Variants in ROBO2 observed in about 807,000 individuals in gnomAD.
The protein encoded by ROBO2 is roundabout guidance receptor 2, also known as roundabout homolog 2.
In ROBO2, 53 loss-of-function variants were observed where a neutral mutation model predicts 160.8. The ratio of observed to expected loss-of-function variants is 0.33; its 90% confidence interval spans 0.26 to 0.41. The LOEUF is 0.41. Among genes scored for constraint, ROBO2 ranks in the 10% least tolerant of loss-of-function variants. ROBO2 has a pLI of 1.00. For synonymous variants in ROBO2, 664 were observed against 611.7 expected (o/e 1.09, Z -1.26); for missense variants, 1,577 against 1,722.4 (o/e 0.92, Z 1.49).
chr3:76,667,609 C>T (rs1037538152), intron 2 of ROBO2, among the ~76,000 whole-genome samples: 8 of 146,232 alleles, frequency 5.5e-5, no homozygotes, highest in Non-Finnish European at 4.6e-5. Flanking sequence ...TTTAATTGAA[C>T]ATTAATGATT....
intron 2 of ROBO2, among the ~76,000 whole-genome samples, chr3:76,911,230 T>G (rs552174685): frequency 6.6e-6 from 1 of 152,218 alleles, no homozygotes; most frequent in Non-Finnish European, 1.5e-5. Context: ...TAAGTAGTAT[T>G]GTATTTGTTG....
chr3:76,596,867 T>C (rs2086767979), intron 2 of ROBO2, among the ~76,000 whole-genome samples: 1 of 152,150 alleles, frequency 6.6e-6, no homozygotes, highest in Non-Finnish European at 1.5e-5. Flanking sequence ...TGTTAATGGC[T>C]TGATAGACAT....
rs199746919 is a variant in ROBO2 at position 76,909,554 on chromosome 3, CA to C, written c.110-188452del. The stretch of plus-strand genomic sequence containing the variant: ...AACCTCTCCCCTCAAAAAACTGAAA[CA>C]AAAAAAATAATAATTTTTTCAAAAA... On this transcript the variant is annotated intron_variant, in intron 2 of 26. Transcript: ENST00000487694. 6.3e-3 allele frequency among the ~76,000 whole-genome samples: 949 copies of C among 151,700 alleles called. 8 individuals carry two copies. The highest frequency in any genetic ancestry group is 0.021 in the African/African-American group (872 of 41,390).
chr3:77,288,789 G>A lies in ROBO2; in HGVS notation c.389-188625G>A, dbSNP rs62249729. On this transcript the variant is annotated intron_variant, in intron 2 of 25. Coordinates refer to ENST00000461745, the Ensembl canonical transcript of ROBO2. Reference sequence around the variant, plus strand: ...GAGACGAGACCCTACTCAAGCATACGGATACAAATTGATTATACCTGGGTC... The same window carrying A: ...GAGACGAGACCCTACTCAAGCATACAGATACAAATTGATTATACCTGGGTC... Among the ~76,000 whole-genome samples the A allele has an allele frequency of 2.6e-3, 388 of 152,116 alleles. 2 individuals carry two copies. Among genetic ancestry groups the A allele is most frequent in the Middle Eastern group, 0.014 (4 of 294 alleles).
chr3:77,241,565 G>T (rs1032040126), intron 2 of ROBO2, among the ~76,000 whole-genome samples: 6 of 152,122 alleles, frequency 3.9e-5, no homozygotes, highest in Admixed American at 3.3e-4. Flanking sequence ...CATCTGATAA[G>T]AATGGTACTG....
rs192294828 is a variant in ROBO2, at chr3:76,263,500, G to A, written c.109+325898G>A. Among the ~76,000 whole-genome samples, 11 of 152,242 alleles carry A rather than the reference G, an allele frequency of 7.2e-5. 1 individual carries two copies. The highest frequency in any genetic ancestry group is 2.4e-4 in the African/African-American group (10 of 41,546). On this transcript the variant is annotated intron_variant, in intron 2 of 26. Coordinates refer to the ROBO2 transcript ENST00000487694. ...GACCTCCCAAAGTGCTGGGATTACA[G>A]GTGTGAGCCACCCTGCTTGGCCCAG...
chr3:76,322,971 CTG>C (rs1413185495), intron 2 of ROBO2, among the ~76,000 whole-genome samples: 4 of 152,150 alleles, frequency 2.6e-5, no homozygotes, highest in African/African-American at 9.7e-5. Flanking sequence ...GTTGTATACT[CTG>C]AGGCAAATTA....
intron 2 of ROBO2, among the ~76,000 whole-genome samples, chr3:76,461,013 A>C (rs1271475953): frequency 6.6e-6 from 1 of 152,230 alleles, no homozygotes; most frequent in Admixed American, 6.5e-5. Context: ...GTATTAGGCC[A>C]TTCTTGCATT....
chr3:76,792,273 A>G (rs1411224243), intron 2 of ROBO2, among the ~76,000 whole-genome samples: 2 of 151,942 alleles, frequency 1.3e-5, no homozygotes, highest in Non-Finnish European at 1.5e-5. Flanking sequence ...CAACATAGAA[A>G]TATTTGAGAA....
intron 2 of ROBO2, among the ~76,000 whole-genome samples, chr3:76,555,906 C>A (rs2083760013): frequency 6.6e-6 from 1 of 151,886 alleles, no homozygotes; most frequent in African/African-American, 2.4e-5. Context: ...CATGGTGAAA[C>A]CTCCTCTCTA....
intron 1 of ROBO2, among the ~76,000 whole-genome samples, chr3:77,074,389 T>C (rs1030216507): frequency 1.2e-4 from 18 of 152,206 alleles, no homozygotes; most frequent in Non-Finnish European, 2.5e-4. Context: ...ACAGATGATT[T>C]TTGATGTGTT....
chr3:76,478,283 C>T (rs921780953), intron 2 of ROBO2, among the ~76,000 whole-genome samples: 1 of 148,248 alleles, frequency 6.7e-6, no homozygotes, highest in African/African-American at 2.5e-5. Context: ...GCGGTGTTTG[C>T]TTTTTTGTTC....
At chr3:76,897,531 T>C (rs1442130137) in intron 2 of ROBO2, among the ~76,000 whole-genome samples, 1 of 152,088 alleles carries the variant, frequency 6.6e-6, no homozygotes, top group Non-Finnish European at 1.5e-5. Context: ...GCAGACACCG[T>C]AAACCAACCT....
chr3:76,233,699 C>T (rs1482474411), intron 2 of ROBO2, among the ~76,000 whole-genome samples: 3 of 152,156 alleles, frequency 2.0e-5, no homozygotes, highest in Non-Finnish European at 2.9e-5. Flanking sequence ...TCTTCATGCC[C>T]GGACTTATCC....
intron 2 of ROBO2, among the ~76,000 whole-genome samples, chr3:77,358,368 A>C (rs114935381): frequency 0.01 from 1,538 of 152,260 alleles, 20 homozygotes; most frequent in African/African-American, 0.035. Flanking sequence ...TGCTTAGATT[A>C]GATTGAGTGC....
chr3:77,142,005 C>T (rs76812784), intron 2 of ROBO2, among the ~76,000 whole-genome samples: 2,499 of 152,224 alleles, frequency 0.016, 27 homozygotes, highest in African/African-American at 0.027. Context: ...CACCATTTTG[C>T]GTACTTGTGC....
At position 76,643,208 on chromosome 3, in the gene ROBO2, T is replaced by C. The variant is rs567554224; in HGVS notation, c.110-454806T>C. On this transcript the variant is annotated intron_variant, in intron 2 of 26. Coordinates refer to the ROBO2 transcript ENST00000487694. ...AAATAACTTAGTAAAAAAATGTAAT[T>C]GTTGTCTTCTGTTCAATGTATGTAA... 2.1e-3 allele frequency among the ~76,000 whole-genome samples: 317 copies of C among 152,252 alleles called. 3 individuals carry two copies. The highest frequency in any genetic ancestry group is 7.1e-3 in the African/African-American group (297 of 41,554).
chr3:76,713,330 T>G (rs2107627888), intron 2 of ROBO2, among the ~76,000 whole-genome samples: 1 of 152,292 alleles, frequency 6.6e-6, no homozygotes. Flanking sequence ...GTCAAATAAT[T>G]TCTTTCTAGT....
At chr3:76,986,338 C>T (rs1013348161) in intron 2 of ROBO2, among the ~76,000 whole-genome samples, 3 of 152,032 alleles carry the variant, frequency 2.0e-5, no homozygotes, top group African/African-American at 7.2e-5. Context: ...ATTTTTATTA[C>T]TGCTTTTAAG....
Sources: allele counts gnomAD v4.1 joint callset (sites outside exome capture counted in the v4.1 genomes callset), GRCh38; gene constraint gnomAD v4.1.1; transcripts MANE v1.5; gene names NCBI Gene and HGNC (gene_info 2026-07-23, HGNC 2026-07-21).